Variants in INSR observed in about 807,000 individuals in gnomAD.
INSR encodes IR.
Under a neutral mutation model 142.6 loss-of-function variants are expected in INSR, and 67 were observed. That is an observed-to-expected ratio of 0.47 (90% CI 0.39 to 0.58). The LOEUF (loss-of-function observed/expected upper bound fraction) is 0.58, where lower values mean the gene tolerates loss of function less well. Among genes scored for constraint, INSR ranks in the 20% least tolerant of loss-of-function variants. The pLI is 0.00. For missense variants in INSR, 1,248 were observed against 1,833.2 expected (o/e 0.68, Z 5.83); for synonymous variants, 756 against 743.1 (o/e 1.02, Z -0.28).
At chr19:7,262,355 C>T (rs1425986975) in intron 2 of INSR, among the ~76,000 whole-genome samples, 2 of 152,148 alleles carry the variant, frequency 1.3e-5, no homozygotes, top group Non-Finnish European at 2.9e-5. Flanking sequence ...GCCCGTAATC[C>T]GAGCCACGCG....
In INSR at chr19:7,288,950, G is replaced by GAAA. The variant is rs34590794; in HGVS notation, c.100+4839_100+4841dup. 8.3e-4 allele frequency among the ~76,000 whole-genome samples: 74 copies of GAAA among 88,694 alleles called. 1 individual carries two copies. The highest frequency in any genetic ancestry group is 2.9e-3 in the African/African-American group (69 of 23,804). The allele number at this position is 88,694 out of a possible 152,430, so 58.2% of individuals were successfully genotyped here. On this transcript the variant is annotated intron_variant, in intron 1 of 21. Transcript: ENST00000302850. ...TGCACACCAGCCCGGGTGAAGAAGT[G>GAAA]AAAAAAAAAAAAAAAAAAAAGTGAG...
chr19:7,217,773 A>T (rs1425747377), intron 2 of INSR, among the ~76,000 whole-genome samples: 1 of 152,142 alleles, frequency 6.6e-6, no homozygotes, highest in African/African-American at 2.4e-5. Flanking sequence ...GTTAGCCAGG[A>T]TGGTCTCGAT....
At chr19:7,145,614 A>C (rs1490197674) in intron 11 of INSR, among the ~76,000 whole-genome samples, 5 of 152,228 alleles carry the variant, frequency 3.3e-5, no homozygotes, top group South Asian at 4.1e-4. Context: ...CTACTCTGTC[A>C]TTGTAGCTTA....
At chr19:7,151,994 T>C (rs1469765699) in intron 10 of INSR, 1 of 149,736 alleles carries the variant, frequency 6.7e-6, no homozygotes, top group Non-Finnish European at 1.5e-5. Context: ...TTGGTAGCGA[T>C]GGGGTCTCAT....
At chr19:7,153,323 C>CACACAAATCACACACATACT (rs1973477529) in intron 9 of INSR, among the ~76,000 whole-genome samples, 1 of 3,146 alleles carries the variant, frequency 3.2e-4, no homozygotes, top group African/African-American at 8.0e-4. Context: ...ACACACACAC[C>CACACAAATCACACACATACT]ACACACACCC....
intron 13 of INSR, among the ~76,000 whole-genome samples, chr19:7,133,936 C>T (rs997988172): frequency 3.9e-5 from 6 of 151,952 alleles, no homozygotes; most frequent in Non-Finnish European, 8.8e-5. Flanking sequence ...AGGCAGCAGG[C>T]CACATTTAGC....
At chr19:7,136,064 T>A (rs983336374) in intron 13 of INSR, among the ~76,000 whole-genome samples, 10 of 152,178 alleles carry the variant, frequency 6.6e-5, no homozygotes, top group African/African-American at 2.2e-4. Flanking sequence ...GGGTTCCGAT[T>A]TCTCCTCATC....
chr19:7,190,015 A>T (rs1020489595), intron 2 of INSR, among the ~76,000 whole-genome samples: 4 of 152,014 alleles, frequency 2.6e-5, no homozygotes, highest in African/African-American at 9.7e-5. Flanking sequence ...GAGTTAACTT[A>T]CAGACAGATA....
At chr19:7,179,702 C>T (rs1318382439) in intron 3 of INSR, among the ~76,000 whole-genome samples, 1 of 152,230 alleles carries the variant, frequency 6.6e-6, no homozygotes. Context: ...CCAACAGAGA[C>T]CATATGGCCC....
intron 2 of INSR, 26 bp from the exon 3 acceptor site, chr19:7,184,663 G>GA: frequency 1.0e-6 from 1 of 961,616 alleles, no homozygotes; most frequent in South Asian, 2.2e-5. Context: ...GAGAGAGAGG[G>GA]AAATAAATAA....
In INSR at chr19:7,270,352, C is replaced by CACAA. The variant is rs1555690374; in HGVS notation, c.101-2457_101-2456insTTGT. Among the ~76,000 whole-genome samples the CACAA allele has an allele frequency of 1.8e-3, 257 of 144,736 alleles. 2 individuals carry two copies. Among genetic ancestry groups the CACAA allele is most frequent in the East Asian group, 5.4e-3 (24 of 4,478 alleles). 95.0% of individuals were successfully genotyped at this position (144,736 alleles called of 152,430 possible). ...TCTCTCTCTCTCTCACACACACACA[C>CACAA]ACACACACACACACACACACACACA... On this transcript the variant is annotated intron_variant, in intron 1 of 21. Coordinates refer to ENST00000302850, the MANE Select transcript of INSR (RefSeq NM_000208.4).
intron 17 of INSR, chr19:7,123,222 G>A (rs1225242259): frequency 3.9e-6 from 2 of 513,814 alleles, no homozygotes; most frequent in African/African-American, 1.9e-5. Flanking sequence ...AGGCTAGAGT[G>A]CAGTGGCGTG....
Position 7,132,259 on chromosome 19 carries a change from C to T in INSR, c.2741G>A (p.Arg914His), listed in dbSNP as rs1295690531. The change falls in exon 14 of 22, where the codon CGT becomes CAT. Residue 914 changes from arginine to histidine, a missense_variant. By Grantham distance (29) the Arg-to-His change is conservative. This residue lies in a region of INSR where 1,069 missense variants were observed against 1,654.0 expected (regional missense o/e 0.65). Coordinates refer to ENST00000302850, the MANE Select transcript of INSR (RefSeq NM_000208.4). ...GCTGTAGTTCCCCGGTGACAGCCCA[C>T]GCAGCCTGCAGCCCCGTTCCAGAGC... is the stretch of plus-strand genomic sequence containing the variant. ...HFALERGCRL[R>H]GLSPGNYSVR... 8.1e-6 allele frequency: 13 copies of T among 1,614,088 alleles called. No individual in the cohort carries two copies. The highest frequency in any genetic ancestry group is 1.3e-5 in the African/African-American group (1 of 74,950).
At chr19:7,186,753 G>A (rs1359978893) in intron 2 of INSR, among the ~76,000 whole-genome samples, 1 of 151,830 alleles carries the variant, frequency 6.6e-6, no homozygotes, top group African/African-American at 2.4e-5. Context: ...TGCCCAGGCT[G>A]GGGTGCAGTG....
intron 2 of INSR, among the ~76,000 whole-genome samples, chr19:7,197,848 G>GAGAGAC (rs1974817972): frequency 6.8e-6 from 1 of 147,838 alleles, no homozygotes. Context: ...GAGAGAGAGA[G>GAGAGAC]AGAGAACGAG....
Position 7,162,796 on chromosome 19 carries a change from G to C in INSR, c.2029+236C>G, listed in dbSNP as rs547733101. On this transcript the variant is annotated intron_variant, in intron 9 of 21. Transcript: ENST00000302850. Reference sequence around the variant, plus strand: ...GGTCGCGTCATTGCACTCCAGCCTGGGCAACAAGAGTGAAACTCCATCTCA... The same window carrying C: ...GGTCGCGTCATTGCACTCCAGCCTGCGCAACAAGAGTGAAACTCCATCTCA... 5.9e-5 allele frequency among the ~76,000 whole-genome samples: 9 copies of C among 151,718 alleles called. No individual in the cohort carries two copies. The South Asian group carries it at 1.9e-3, about 32-fold the overall frequency.
At chr19:7,219,471 A>AGGGAGGG (rs1975531969) in intron 2 of INSR, among the ~76,000 whole-genome samples, 1 of 141,576 alleles carries the variant, frequency 7.1e-6, no homozygotes, top group African/African-American at 2.6e-5. Context: ...AGAGAGAGAG[A>AGGGAGGG]AAAGGGAGGG....
intron 10 of INSR, among the ~76,000 whole-genome samples, chr19:7,151,327 G>A (rs1973353334): frequency 6.7e-6 from 1 of 150,290 alleles, no homozygotes; most frequent in South Asian, 2.1e-4. Flanking sequence ...CCAGGCTGGA[G>A]TGCAATGGTG....
In INSR at chr19:7,140,697, G is replaced by A. The variant is rs1392574198; in HGVS notation, c.2682+980C>T. Among the ~76,000 whole-genome samples, 5 of 151,616 alleles carry A rather than the reference G, an allele frequency of 3.3e-5. No homozygotes were observed. In the East Asian group the frequency reaches 9.7e-4, roughly 29 times the overall value. On this transcript the variant is annotated intron_variant, in intron 13 of 21. Transcript: ENST00000302850. ...TCTGAAATTGGAATGCATCTTACAA[G>A]CAATGCATTTTACAAACACTTAACA...
Sources: gnomAD v4.1 joint callset for allele counts (sites outside exome capture counted in the v4.1 genomes callset) on GRCh38, gnomAD v4.1.1 for gene constraint, gnomAD v4.1.1 regional missense constraint, MANE v1.5 for transcripts, NCBI Gene and HGNC (gene_info 2026-07-23, HGNC 2026-07-21) for gene names.